PROSER2: variants seen among roughly 807,000 people sequenced by gnomAD.
PROSER2 encodes the protein proline and serine-rich protein 2.
In PROSER2, 18 loss-of-function variants were observed where a neutral mutation model predicts 14.6. The ratio of observed to expected loss-of-function variants is 1.23; its 90% confidence interval spans 0.85 to 1.83. The LOEUF (loss-of-function observed/expected upper bound fraction) is 1.83. PROSER2 is among the 40% of genes most tolerant of loss of function. PROSER2 has a pLI of 0.00. For synonymous variants in PROSER2, 367 were observed against 286.4 expected (o/e 1.28, Z -2.84); for missense variants, 823 against 629.8 (o/e 1.31, Z -3.28).
rs904630117 is a variant in PROSER2, at chr10:11,823,777, G to C, written c.-82+307G>C. Among the ~76,000 whole-genome samples, 1 of 152,136 alleles carries C rather than the reference G, an allele frequency of 6.6e-6. No individual in the cohort carries two copies. The highest frequency in any genetic ancestry group is 6.5e-5 in the Admixed American group (1 of 15,288). ...CCTGGGGGCTCAGGGGTGGAGGCGG[G>C]TTTCCCAGCCTTGGGCGCAGAGGGT... On this transcript the variant is annotated intron_variant, in intron 1 of 3. Coordinates refer to ENST00000277570, the MANE Select transcript of PROSER2 (RefSeq NM_153256.4). This position sits in a 1 kb window ranked among gnomAD's most constrained non-coding sequence, Gnocchi z 6.2.
At chr10:11,867,464 C>T (rs1834376192) in intron 3 of PROSER2, among the ~76,000 whole-genome samples, 2 of 152,040 alleles carry the variant, frequency 1.3e-5, no homozygotes, top group African/African-American at 4.8e-5. Flanking sequence ...GAAATCTCAT[C>T]TCTACTAAAA....
At chr10:11,855,308 C>A (rs1277268873) in intron 2 of PROSER2, among the ~76,000 whole-genome samples, 1 of 151,452 alleles carries the variant, frequency 6.6e-6, no homozygotes, top group East Asian at 1.9e-4. Context: ...CCCGTCTCTA[C>A]TAAAAATACA....
Position 11,866,502 on chromosome 10 carries a change from C to G in PROSER2, c.139-29C>G. ...TTAGTGAAGCCAGTGTTTGTTTTCT[C>G]TCTTCTGTTCCCAATCCCTGTACTC... is the stretch of plus-strand genomic sequence containing the variant. On this transcript the variant is annotated intron_variant, in intron 2 of 3. Transcript: ENST00000277570. This position sits in a 1 kb window ranked among gnomAD's most constrained non-coding sequence, Gnocchi z 6.0. 2 of 1,608,092 alleles carry G rather than the reference C, an allele frequency of 1.2e-6. No individual in the cohort carries two copies. Among genetic ancestry groups the G allele is most frequent in the Non-Finnish European group, 1.7e-6 (2 of 1,176,452 alleles).
At chr10:11,855,861 A>G (rs962863538) in intron 2 of PROSER2, among the ~76,000 whole-genome samples, 13 of 152,368 alleles carry the variant, frequency 8.5e-5, no homozygotes, top group Admixed American at 4.6e-4. Flanking sequence ...TATGGCCACA[A>G]TTATGACTGA....
intron 1 of PROSER2, chr10:11,850,828 G>A (rs1442763298): frequency 6.6e-6 from 1 of 152,220 alleles, no homozygotes. Context: ...CCATTAATCA[G>A]CAAGAGGCTT....
chr10:11,845,935 C>T (rs1156634136), intron 1 of PROSER2, among the ~76,000 whole-genome samples: 2 of 152,330 alleles, frequency 1.3e-5, no homozygotes, highest in Non-Finnish European at 2.9e-5. Context: ...TTGTGAAACA[C>T]GCTCAGCCAT....
chr10:11,824,535 G>C (rs755057594), intron 1 of PROSER2, among the ~76,000 whole-genome samples: 1 of 152,282 alleles, frequency 6.6e-6, no homozygotes, highest in East Asian at 1.9e-4. Flanking sequence ...TGTTTTTCTA[G>C]GTGGAGGAGG....
In PROSER2 at chr10:11,830,922, A is replaced by G. The variant is rs7093968; in HGVS notation, c.-82+7452A>G. ...GAAGCAGCCTCTAGCTCCTGCCCAG[A>G]GAGGAGGTGGTTACTGGCCTCACCT... On this transcript the variant is annotated intron_variant, in intron 1 of 3. Transcript: ENST00000277570. The surrounding 1 kb of genome is among the most constrained non-coding windows in gnomAD (Gnocchi z 4.5). Among the ~76,000 whole-genome samples the G allele has an allele frequency of 0.029, 4,354 of 152,228 alleles. 201 individuals are homozygous for G. Among genetic ancestry groups the G allele is most frequent in the African/African-American group, 0.099 (4,121 of 41,520 alleles).
rs186963102 is a variant in PROSER2, at chr10:11,838,659, C to T, written c.-81-13338C>T. ...CAAGGTTGACCCACATTCTTGCTGA[C>T]ACTTGTTATTTTTTGTCTAATTTTT... On this transcript the variant is annotated intron_variant, in intron 1 of 3. Coordinates refer to ENST00000277570, the MANE Select transcript of PROSER2 (RefSeq NM_153256.4). This position sits in a 1 kb window ranked among gnomAD's most constrained non-coding sequence, Gnocchi z 4.4. Among the ~76,000 whole-genome samples, 1 of 152,294 alleles carries T rather than the reference C, an allele frequency of 6.6e-6. No individual in the cohort carries two copies. The highest frequency in any genetic ancestry group is 2.4e-5 in the African/African-American group (1 of 41,554).
In PROSER2 at chr10:11,869,888, G is replaced by T. The variant is rs1292244478; in HGVS notation, c.790G>T (p.Ala264Ser). The part of the protein sequence containing the change: ...PSNIIVTNGA[A>S]REPRRTLSRA... ...CAACATCATCGTCACCAACGGCGCGGCCCGGGAGCCCCGCAGGACCCTGTC... is the reference window on the plus strand; with the variant it reads ...CAACATCATCGTCACCAACGGCGCGTCCCGGGAGCCCCGCAGGACCCTGTC... Residue 264 changes from alanine to serine, a missense_variant, in exon 4 of 4, where the codon GCC becomes TCC. Ala to Ser is a moderately conservative substitution (Grantham distance 99, BLOSUM62 1). Transcript: ENST00000277570. The surrounding 1 kb of genome is among the most constrained non-coding windows in gnomAD (Gnocchi z 4.4). The T allele has an allele frequency of 3.1e-6, 5 of 1,590,162 alleles. No individual in the cohort carries two copies. The South Asian group carries it at 5.7e-5, about 18-fold the overall frequency.
intron 1 of PROSER2, among the ~76,000 whole-genome samples, chr10:11,827,168 G>A (rs540358129): frequency 6.6e-6 from 1 of 150,458 alleles, no homozygotes; most frequent in African/African-American, 2.4e-5. Context: ...TTACAGGCAT[G>A]AGCCACCATG....
At chr10:11,867,935 A>T (rs1201154835) in intron 3 of PROSER2, among the ~76,000 whole-genome samples, 1 of 152,242 alleles carries the variant, frequency 6.6e-6, no homozygotes, top group Non-Finnish European at 1.5e-5. Context: ...CCTGGTAAGG[A>T]TAAAATACTG....
Position 11,866,929 on chromosome 10 carries a change from T to A in PROSER2, c.391+146T>A. On this transcript the variant is annotated intron_variant, in intron 3 of 3. Coordinates refer to ENST00000277570, the MANE Select transcript of PROSER2 (RefSeq NM_153256.4). The surrounding 1 kb of genome is among the most constrained non-coding windows in gnomAD (Gnocchi z 6.0). ...TATAGGGGAAAATACTCCTTGGCAG[T>A]TTCATCATCCAGCAAAGGGAAATGC... 1.0e-6 allele frequency: 1 copy of A among 1,002,090 alleles called. No individual in the cohort carries two copies. The highest frequency in any genetic ancestry group is 1.4e-6 in the Non-Finnish European group (1 of 704,354). The allele number at this position is 1,002,090 out of a possible 1,614,324, so 62.1% of individuals were successfully genotyped here.
At chr10:11,851,924 A>G in intron 1 of PROSER2, 73 bp from the exon 2 acceptor site, 1 of 688,072 alleles carries the variant, frequency 1.5e-6, no homozygotes, top group Non-Finnish European at 2.1e-6. Context: ...AATCTAAGCC[A>G]TGTTTTTGAG....
chr10:11,849,379 A>T (rs965816976), intron 1 of PROSER2, among the ~76,000 whole-genome samples: 1 of 152,224 alleles, frequency 6.6e-6, no homozygotes, highest in East Asian at 1.9e-4. Flanking sequence ...CTTTACCCCC[A>T]TAAATATATT....
In PROSER2 at chr10:11,830,946, C is replaced by A. The variant is rs1259785427; in HGVS notation, c.-82+7476C>A. Among the ~76,000 whole-genome samples, 1 of 152,100 alleles carries A rather than the reference C, an allele frequency of 6.6e-6. No homozygotes were observed. The highest frequency in any genetic ancestry group is 2.4e-5 in the African/African-American group (1 of 41,406). ...GAGAGGAGGTGGTTACTGGCCTCAC[C>A]TTACTGACATCATCCATCATCTGGC... is the stretch of plus-strand genomic sequence containing the variant. On this transcript the variant is annotated intron_variant, in intron 1 of 3. Transcript: ENST00000277570. The surrounding 1 kb of genome is among the most constrained non-coding windows in gnomAD (Gnocchi z 4.5).
rs1403148452 is a variant in PROSER2 at position 11,869,921 on chromosome 10, G to A, written c.823G>A (p.Ala275Thr). 4.5e-6 allele frequency: 7 copies of A among 1,565,116 alleles called. No individual in the cohort carries two copies. In the Admixed American group the frequency reaches 7.5e-5, roughly 17 times the overall value. ...GCCCCGCAGGACCCTGTCCAGGGCG[G>A]CCGTCAGCGTGCAGGAGCGCAGGGC... is the stretch of plus-strand genomic sequence containing the variant. ...REPRRTLSRA[A>T]VSVQERRAQV... Residue 275 changes from alanine (A) to threonine (T), a missense_variant, in exon 4 of 4, where the codon GCC becomes ACC. Transcript: ENST00000277570. This position sits in a 1 kb window ranked among gnomAD's most constrained non-coding sequence, Gnocchi z 4.4.
chr10:11,855,179 TAAAAG>T (rs1371121836), intron 2 of PROSER2, among the ~76,000 whole-genome samples: 1 of 150,072 alleles, frequency 6.7e-6, no homozygotes, highest in Non-Finnish European at 1.5e-5. Flanking sequence ...ACGTTATTCT[TAAAAG>T]AAGATAAGGC....
At chr10:11,859,040 T>C (rs1416533270) in intron 2 of PROSER2, among the ~76,000 whole-genome samples, 2 of 120,798 alleles carry the variant, frequency 1.7e-5, no homozygotes, top group East Asian at 2.3e-4. Flanking sequence ...AAAGGAGAGA[T>C]GGTTTCCTAG....
Sources: gnomAD v4.1 joint callset for allele counts (sites outside exome capture counted in the v4.1 genomes callset) on GRCh38, gnomAD v4.1.1 for gene constraint, Gnocchi (gnomAD v3.1) non-coding constraint, MANE v1.5 for transcripts, NCBI Gene and HGNC (gene_info 2026-07-23, HGNC 2026-07-21) for gene names.